Variants in THOC7 observed in about 807,000 individuals in gnomAD.
THOC7 encodes the protein THO complex subunit 7, also known as NIF3L1-binding protein 1.
A neutral mutation model predicts 33.1 loss-of-function variants in THOC7; 22 were observed. The observed-to-expected ratio is 0.66, with a 90% CI of 0.47 to 0.95. The LOEUF is 0.95. THOC7 is among the 40% of genes least tolerant of loss of function. The pLI is 0.00. For synonymous variants in THOC7, 77 were observed against 76.8 expected (o/e 1.00, Z -0.01); for missense variants, 184 against 245.3 (o/e 0.75, Z 1.67).
chr3:63,838,543 T>C (rs757955069), intron 2 of THOC7, 44 bp from the exon 3 acceptor site: 40 of 1,552,662 alleles, frequency 2.6e-5, no homozygotes, highest in Admixed American at 1.7e-4. Flanking sequence ...ATTTGTGGAC[T>C]GACAAAAGTG....
At chr3:63,859,573 C>G (rs1053121732) in intron 1 of THOC7, among the ~76,000 whole-genome samples, 2 of 152,244 alleles carry the variant, frequency 1.3e-5, no homozygotes, top group Non-Finnish European at 2.9e-5. Flanking sequence ...TCCCCCATTA[C>G]TCTCTGTCCT....
chr3:63,838,460 T>C lies in THOC7; in HGVS notation c.177A>G (p.Gln59=), dbSNP rs371771719. 6 of 1,610,466 alleles carry C rather than the reference T, an allele frequency of 3.7e-6. No individual in the cohort carries two copies. Among genetic ancestry groups the C allele is most frequent in the African/African-American group, 2.7e-5 (2 of 74,694 alleles). ...AAGTTTTGCCCATTGAAAATTCACA[T>C]TGAGACAGCGTGCTCAGCATACGTT... The part of the protein sequence containing the change: ...QYQRMLSTLS[Q]CEFSMGKTLL... The change falls in exon 3 of 8, where the codon CAA becomes CAG. Residue 59 remains glutamine, a synonymous_variant. Coordinates refer to ENST00000295899, the MANE Select transcript of THOC7 (RefSeq NM_025075.4).
chr3:63,839,403 A>G (rs1390845232), intron 2 of THOC7, among the ~76,000 whole-genome samples: 1 of 152,180 alleles, frequency 6.6e-6, no homozygotes, highest in Non-Finnish European at 1.5e-5. Context: ...TATGTCCTAA[A>G]AGTAACCAAA....
chr3:63,846,510 CTA>C (rs2107143032), intron 1 of THOC7, among the ~76,000 whole-genome samples: 1 of 152,212 alleles, frequency 6.6e-6, no homozygotes, highest in African/African-American at 2.4e-5. Context: ...TGGGTTCAAG[CTA>C]TTCTCCTGCC....
At chr3:63,834,802 G>C (rs2107114448) in intron 7 of THOC7, among the ~76,000 whole-genome samples, 1 of 152,160 alleles carries the variant, frequency 6.6e-6, no homozygotes, top group South Asian at 2.1e-4. Flanking sequence ...CTACTCAGTG[G>C]GTATGCAAAT....
At position 63,856,709 on chromosome 3, in the gene THOC7, C is replaced by T. The variant is rs550737681; in HGVS notation, c.19+7063G>A. On this transcript the variant is annotated intron_variant, in intron 1 of 7. Transcript: ENST00000295899. ...CACATATAAACACACTTAATCTACA[C>T]AACAGCATTATAGATTTTTTTTTTT... Among the ~76,000 whole-genome samples, 3 of 152,086 alleles carry T rather than the reference C, an allele frequency of 2.0e-5. No homozygotes were observed. In the South Asian group the frequency reaches 6.2e-4, roughly 32 times the overall value.
At chr3:63,842,576 T>C (rs1166240990) in intron 1 of THOC7, among the ~76,000 whole-genome samples, 2 of 152,200 alleles carry the variant, frequency 1.3e-5, no homozygotes, top group Admixed American at 6.5e-5. Flanking sequence ...GAGGCCATTA[T>C]TCTAAGTGAA....
chr3:63,839,766 A>C lies in THOC7; in HGVS notation c.27T>G (p.Val9=). 6.2e-7 allele frequency: 1 copy of C among 1,613,370 alleles called. No homozygotes were observed. Among genetic ancestry groups the C allele is most frequent in the Non-Finnish European group, 8.5e-7 (1 of 1,179,862 alleles). ...CATCAATGAGGAGACGCTTCCGTATAACTTCGTCTGCAGGAAAGAAGGGCA... is the reference window on the plus strand; with the variant it reads ...CATCAATGAGGAGACGCTTCCGTATCACTTCGTCTGCAGGAAAGAAGGGCA... MGAVTDDE[V]IRKRLLIDGD... The change falls in exon 2 of 8, where the codon GTT becomes GTG. Residue 9 remains valine (V), a synonymous_variant. Coordinates refer to ENST00000295899, the MANE Select transcript of THOC7 (RefSeq NM_025075.4).
intron 2 of THOC7, 88 bp downstream of exon 2, chr3:63,839,568 G>T: frequency 1.8e-6 from 2 of 1,092,728 alleles, no homozygotes; most frequent in Non-Finnish European, 2.8e-6. Flanking sequence ...TAAGGTGAGT[G>T]AAAATTTGAT....
At chr3:63,846,623 T>C (rs1701903384) in intron 1 of THOC7, among the ~76,000 whole-genome samples, 3 of 152,138 alleles carry the variant, frequency 2.0e-5, no homozygotes, top group Admixed American at 2.0e-4. Flanking sequence ...TTGGCCAGGC[T>C]GGTTCTCAAA....
chr3:63,844,153 TCTCACAGA>T (rs1186285790), intron 1 of THOC7, among the ~76,000 whole-genome samples: 1 of 152,070 alleles, frequency 6.6e-6, no homozygotes, highest in Non-Finnish European at 1.5e-5. Context: ...AAAAAGGTGG[TCTCACAGA>T]AATAGAGAGT....
intron 1 of THOC7, among the ~76,000 whole-genome samples, chr3:63,862,568 T>C (rs563239324): frequency 6.6e-6 from 1 of 152,314 alleles, no homozygotes; most frequent in East Asian, 1.9e-4. Flanking sequence ...AAAGCTGAAA[T>C]TCCACATGAA....
intron 7 of THOC7, 59 bp downstream of exon 7, chr3:63,835,094 CA>C: frequency 1.3e-6 from 2 of 1,520,718 alleles, no homozygotes; most frequent in Admixed American, 3.6e-5. Context: ...TCAAAAGGTA[CA>C]TCCCTGGGTC....
chr3:63,860,594 G>A (rs1402086382), intron 1 of THOC7: 1 of 152,048 alleles, frequency 6.6e-6, no homozygotes, highest in Non-Finnish European at 1.5e-5. Context: ...AGCAGACGAG[G>A]TCCTGCCTCT....
intron 5 of THOC7, 40 bp from the exon 6 acceptor site, chr3:63,835,430 G>A (rs775966024): frequency 5.0e-6 from 8 of 1,586,626 alleles, no homozygotes; most frequent in African/African-American, 1.3e-5. Flanking sequence ...GCTGAATGGG[G>A]GAGAAGAGTT....
intron 1 of THOC7, among the ~76,000 whole-genome samples, chr3:63,841,692 A>C (rs903829866): frequency 6.6e-6 from 1 of 152,246 alleles, no homozygotes; most frequent in African/African-American, 2.4e-5. Flanking sequence ...TAAAAATACA[A>C]ACTAATGCTT....
intron 1 of THOC7, among the ~76,000 whole-genome samples, chr3:63,848,806 T>C (rs1701960562): frequency 6.6e-6 from 1 of 152,248 alleles, no homozygotes; most frequent in Non-Finnish European, 1.5e-5. Context: ...TTTAATATTT[T>C]GTTTTACAGA....
At chr3:63,847,277 T>C (rs1276982259) in intron 1 of THOC7, among the ~76,000 whole-genome samples, 1 of 152,218 alleles carries the variant, frequency 6.6e-6, no homozygotes, top group South Asian at 2.1e-4. Context: ...CCAAATTTCC[T>C]TGTCAATTTC....
intron 1 of THOC7, among the ~76,000 whole-genome samples, chr3:63,846,656 C>T (rs1374047890): frequency 6.6e-6 from 1 of 152,038 alleles, no homozygotes; most frequent in Non-Finnish European, 1.5e-5. Context: ...GGTGATCCAC[C>T]CACCTCGGCC....
Sources: allele counts gnomAD v4.1 joint callset (sites outside exome capture counted in the v4.1 genomes callset), GRCh38; gene constraint gnomAD v4.1.1; transcripts MANE v1.5; gene names NCBI Gene and HGNC (gene_info 2026-07-23, HGNC 2026-07-21).